The following ATXN1 variants were observed in gnomAD, a reference collection of about 807,000 sequenced individuals.
The protein encoded by ATXN1 is ataxin 1, also known as ataxin-1.
A neutral mutation model predicts 56.4 loss-of-function variants in ATXN1; 8 were observed. The observed-to-expected ratio is 0.14, with a 90% CI of 0.08 to 0.26. The LOEUF is 0.26. ATXN1 is among the 10% of genes least tolerant of loss of function. The probability of loss-of-function intolerance (pLI) is 1.00; values close to 1 mark genes in which losing one functional copy is unlikely to be tolerated. For missense variants in ATXN1, 987 were observed against 1,106.5 expected (o/e 0.89, Z 1.53); for synonymous variants, 514 against 494.6 (o/e 1.04, Z -0.52).
intron 3 of ATXN1, among the ~76,000 whole-genome samples, chr6:16,619,615 C>T (rs914931537): frequency 1.3e-5 from 2 of 152,152 alleles, no homozygotes; most frequent in Non-Finnish European, 2.9e-5. Flanking sequence ...TCATATTTAT[C>T]GTATGCGTGA....
intron 5 of ATXN1, among the ~76,000 whole-genome samples, chr6:16,517,370 C>T (rs972471529): frequency 6.6e-6 from 1 of 152,186 alleles, no homozygotes; most frequent in Admixed American, 6.5e-5. Context: ...CTCTTCATGT[C>T]CCCAGTTTCC....
At chr6:16,463,158 A>G (rs757164335) in intron 6 of ATXN1, among the ~76,000 whole-genome samples, 5 of 152,160 alleles carry the variant, frequency 3.3e-5, no homozygotes, top group Non-Finnish European at 7.4e-5. Context: ...CAAGTACTCT[A>G]GGAGTATGGG....
At chr6:16,557,012 G>A (rs915417088) in intron 4 of ATXN1, among the ~76,000 whole-genome samples, 5 of 152,014 alleles carry the variant, frequency 3.3e-5, no homozygotes, top group African/African-American at 7.3e-5. Flanking sequence ...TAAACTGAAG[G>A]AGGACTATAT....
chr6:16,612,353 C>T (rs555472242), intron 3 of ATXN1, among the ~76,000 whole-genome samples: 1 of 152,042 alleles, frequency 6.6e-6, no homozygotes, highest in African/African-American at 2.4e-5. Flanking sequence ...ATTCTGTGAC[C>T]ACAATGCAAC....
At chr6:16,547,902 C>A (rs1761844027) in intron 4 of ATXN1, among the ~76,000 whole-genome samples, 1 of 152,174 alleles carries the variant, frequency 6.6e-6, no homozygotes, top group Non-Finnish European at 1.5e-5. Flanking sequence ...GGAGGTTTAG[C>A]CTGTCAACAT....
chr6:16,411,141 A>AAG (rs1166229963), intron 6 of ATXN1, among the ~76,000 whole-genome samples: 31 of 150,704 alleles, frequency 2.1e-4, no homozygotes, highest in Non-Finnish European at 3.7e-4. Context: ...AAAAAAAAAA[A>AAG]AAAAGAAAAG....
At chr6:16,488,444 C>G (rs1025236116) in intron 5 of ATXN1, among the ~76,000 whole-genome samples, 36 of 152,146 alleles carry the variant, frequency 2.4e-4, no homozygotes, top group African/African-American at 8.0e-4. Flanking sequence ...AACAGTGTTC[C>G]GTCAACCTTC....
At chr6:16,428,243 G>A (rs1430183127) in intron 6 of ATXN1, among the ~76,000 whole-genome samples, 1 of 151,242 alleles carries the variant, frequency 6.6e-6, no homozygotes, top group Non-Finnish European at 1.5e-5. Flanking sequence ...CTCAGCCTCT[G>A]GAGTAGTAGG....
At chr6:16,612,883 C>T (rs1763136152) in intron 3 of ATXN1, among the ~76,000 whole-genome samples, 1 of 145,162 alleles carries the variant, frequency 6.9e-6, no homozygotes, top group Admixed American at 6.9e-5. Context: ...GAGAGAGACT[C>T]TGTCTTAAAA....
At chr6:16,433,917 A>G (rs1437133777) in intron 6 of ATXN1, among the ~76,000 whole-genome samples, 1 of 152,232 alleles carries the variant, frequency 6.6e-6, no homozygotes, top group African/African-American at 2.4e-5. Context: ...CTAACCTCAG[A>G]GAATTTTTGT....
At chr6:16,577,024 A>G (rs1178265754) in intron 4 of ATXN1, among the ~76,000 whole-genome samples, 2 of 152,172 alleles carry the variant, frequency 1.3e-5, no homozygotes, top group African/African-American at 4.8e-5. Flanking sequence ...CACACTCAGT[A>G]AAGATTTACC....
In ATXN1 at chr6:16,674,280, C is replaced by A. The variant is rs192493379; in HGVS notation, c.-614-16379G>T. Reference sequence around the variant, plus strand: ...ACAAGCTCACAATTCATCCATACTGCTGCTACAGAGGCGACAGAGGTCAGC... The same window carrying A: ...ACAAGCTCACAATTCATCCATACTGATGCTACAGAGGCGACAGAGGTCAGC... On this transcript the variant is annotated intron_variant, in intron 2 of 7. Coordinates refer to ENST00000436367, the MANE Select transcript of ATXN1 (RefSeq NM_001128164.2). 6.9e-4 allele frequency among the ~76,000 whole-genome samples: 105 copies of A among 151,648 alleles called. 1 individual carries two copies. The highest frequency in any genetic ancestry group is 1.5e-3 in the South Asian group (7 of 4,796).
chr6:16,497,912 G>C (rs1760809582), intron 5 of ATXN1, among the ~76,000 whole-genome samples: 2 of 152,132 alleles, frequency 1.3e-5, no homozygotes, highest in Non-Finnish European at 2.9e-5. Flanking sequence ...GAATCACAAA[G>C]GGTAAAATGA....
chr6:16,576,377 C>T (rs550699399), intron 4 of ATXN1, among the ~76,000 whole-genome samples: 14 of 152,292 alleles, frequency 9.2e-5, no homozygotes, highest in African/African-American at 3.1e-4. Flanking sequence ...CCACAAATTA[C>T]ACTCTGCAAC....
At position 16,693,350 on chromosome 6, in the gene ATXN1, G is replaced by A. The variant is rs967026368; in HGVS notation, c.-614-35449C>T. On this transcript the variant is annotated intron_variant, in intron 2 of 7. Coordinates refer to ENST00000436367, the MANE Select transcript of ATXN1 (RefSeq NM_001128164.2). The stretch of plus-strand genomic sequence containing the variant: ...TCATCTGTAAAAATGGGATACCAGC[G>A]GCCTTGCTTCCTTTCCAGAACATCA... Among the ~76,000 whole-genome samples the A allele has an allele frequency of 1.2e-4, 19 of 152,254 alleles. No individual in the cohort carries two copies. In the East Asian group the frequency reaches 1.7e-3, roughly 14 times the overall value.
chr6:16,586,284 T>C (rs1247873182), intron 3 of ATXN1, among the ~76,000 whole-genome samples: 2 of 152,162 alleles, frequency 1.3e-5, no homozygotes, highest in Non-Finnish European at 2.9e-5. Context: ...TCATAGAAAA[T>C]GTCAGAAACA....
intron 6 of ATXN1, among the ~76,000 whole-genome samples, chr6:16,436,278 T>C (rs1410689268): frequency 6.6e-6 from 1 of 152,154 alleles, no homozygotes; most frequent in Admixed American, 6.5e-5. Flanking sequence ...TAATTTTATA[T>C]TAACACCCTC....
rs774941166 is a variant in ATXN1 at position 16,306,505 on chromosome 6, G to C, written c.2272C>G (p.Leu758Val). ...GGCTTGCTGGGTTCTATTTTGGTGA[G>C]GAAGGGCGCTGCAGGCAATCCCATT... ...EKMGLPAAPF[L>V]TKIEPSKPAA... Residue 758 changes from leucine to valine, a missense_variant, in exon 8 of 8, where the codon CTC becomes GTC. Physicochemically the swap from Leu to Val is conservative, Grantham distance 32 (BLOSUM62 1). Around this residue, in one of 3 missense-constraint regions of ATXN1, gnomAD observed 196 missense variants for 196.7 expected, o/e 1.00. Coordinates refer to ENST00000436367, the MANE Select transcript of ATXN1 (RefSeq NM_001128164.2). The surrounding 1 kb of genome is among the most constrained non-coding windows in gnomAD (Gnocchi z 5.2). The C allele has an allele frequency of 1.2e-6, 2 of 1,614,156 alleles. No individual in the cohort carries two copies. Among genetic ancestry groups the C allele is most frequent in the East Asian group, 2.2e-5 (1 of 44,876 alleles).
At chr6:16,336,269 A>G (rs1036520188) in intron 6 of ATXN1, among the ~76,000 whole-genome samples, 4 of 152,182 alleles carry the variant, frequency 2.6e-5, no homozygotes, top group African/African-American at 9.7e-5. Flanking sequence ...CCTCCTGGCT[A>G]TGGCGATGGC....
Sources: gnomAD v4.1 joint callset for allele counts (sites outside exome capture counted in the v4.1 genomes callset) on GRCh38, gnomAD v4.1.1 for gene constraint, gnomAD v4.1.1 regional missense constraint, Gnocchi (gnomAD v3.1) non-coding constraint, MANE v1.5 for transcripts, NCBI Gene and HGNC (gene_info 2026-07-23, HGNC 2026-07-21) for gene names.